The following TPO variants were observed in gnomAD, a reference collection of about 807,000 sequenced individuals.
TPO encodes the protein thyroid peroxidase, also known as thyroid microsomal antigen.
In TPO, 78 loss-of-function variants were observed where a neutral mutation model predicts 96.9. The ratio of observed to expected loss-of-function variants is 0.81; its 90% CI spans 0.67 to 0.97. The LOEUF is 0.97. Ranked by LOEUF, TPO falls within the 50% of genes least tolerant of loss-of-function variation. The pLI is 0.00. For missense variants in TPO, 1,252 were observed against 1,274.8 expected (o/e 0.98, Z 0.27); for synonymous variants, 547 against 538.0 (o/e 1.02, Z -0.23).
Position 1,453,777 on chromosome 2 carries a change from G to C in TPO, c.566G>C (p.Arg189Pro). The change falls in exon 6 of 17, where the codon CGA becomes CCA. Residue 189 changes from arginine (R) to proline (P), a missense_variant. Physicochemically the swap from Arg to Pro is moderately radical, Grantham distance 103. Transcript: ENST00000329066. The part of the protein sequence containing the change: ...PVYEDGFSQP[R>P]GWNPGFLYNG... ...TATGAGGACGGCTTCAGTCAGCCCC[G>C]AGGCTGGAACCCCGGCTTCTTGTAC... 6.2e-7 allele frequency: 1 copy of C among 1,613,878 alleles called. No individual in the cohort carries two copies. Among genetic ancestry groups the C allele is most frequent in the Non-Finnish European group, 8.5e-7 (1 of 1,180,040 alleles).
intron 4 of TPO, 21 bp from the exon 5 acceptor site, chr2:1,436,231 A>C (rs754623032): frequency 6.2e-7 from 1 of 1,614,072 alleles, no homozygotes; most frequent in African/African-American, 1.3e-5. Flanking sequence ...CACAGAATTC[A>C]TGGTTTCCTA....
At chr2:1,422,343 C>CAGA (rs1558264270) in intron 2 of TPO, among the ~76,000 whole-genome samples, 1,845 of 127,244 alleles carry the variant, frequency 0.014, 61 homozygotes, top group Middle Eastern at 0.035. Flanking sequence ...CTCTCCTGGA[C>CAGA]CGACCTCGTG....
At chr2:1,415,037 G>A (rs746205961) in intron 2 of TPO, among the ~76,000 whole-genome samples, 9 of 151,214 alleles carry the variant, frequency 6.0e-5, no homozygotes, top group South Asian at 2.1e-4. Flanking sequence ...CGCTGGCCCC[G>A]GGAGCAGGTG....
chr2:1,426,971 G>A (rs1305488293), intron 3 of TPO, among the ~76,000 whole-genome samples: 1 of 152,206 alleles, frequency 6.6e-6, no homozygotes, highest in African/African-American at 2.4e-5. Flanking sequence ...AAAGCACAGA[G>A]CCTGCCTACG....
At chr2:1,520,829 T>C (rs1004185032) in intron 15 of TPO, among the ~76,000 whole-genome samples, 1 of 152,116 alleles carries the variant, frequency 6.6e-6, no homozygotes, top group Non-Finnish European at 1.5e-5. Context: ...GCCATGGAGG[T>C]GTTTTCCTTT....
At chr2:1,428,790 G>A (rs1030555785) in intron 3 of TPO, among the ~76,000 whole-genome samples, 9 of 152,114 alleles carry the variant, frequency 5.9e-5, no homozygotes, top group Admixed American at 2.6e-4. Context: ...AGGAAAGCAC[G>A]CGTTTTGGGG....
chr2:1,398,325 CT>C (rs1183230215), intron 1 of TPO, among the ~76,000 whole-genome samples: 1 of 152,238 alleles, frequency 6.6e-6, no homozygotes, highest in East Asian at 1.9e-4. Context: ...CCACAAACTA[CT>C]GTTGCCTTTG....
intron 2 of TPO, among the ~76,000 whole-genome samples, chr2:1,416,608 A>C (rs1291292484): frequency 1.3e-5 from 2 of 152,262 alleles, no homozygotes; most frequent in Non-Finnish European, 2.9e-5. Flanking sequence ...ACAGGACAGC[A>C]GCTGACAACT....
At chr2:1,504,315 C>T (rs753410370) in intron 14 of TPO, among the ~76,000 whole-genome samples, 1 of 152,174 alleles carries the variant, frequency 6.6e-6, no homozygotes, top group Non-Finnish European at 1.5e-5. Context: ...CTGGGGACGG[C>T]AGCCAGAATG....
chr2:1,413,939 C>T (rs975642464), intron 1 of TPO, among the ~76,000 whole-genome samples: 4 of 152,162 alleles, frequency 2.6e-5, no homozygotes, highest in Admixed American at 2.0e-4. Flanking sequence ...ATTTTATGGA[C>T]ATAAGAATGC....
At position 1,414,479 on chromosome 2, in the gene TPO, C is replaced by A. The variant is rs781708047; in HGVS notation, c.71C>A (p.Ser24Ter). 2 of 1,613,954 alleles carry A rather than the reference C, an allele frequency of 1.2e-6. No homozygotes were observed. The highest frequency in any genetic ancestry group is 1.7e-6 in the Non-Finnish European group (2 of 1,179,924). ...ACAGAAGCCTTCTTCCCCTTCATCT[C>A]GAGAGGGAAAGAACTCCTTTGGGGT... ...ACTEAFFPFISRGKELLWGKP... is the reference protein window; with the variant it reads ...ACTEAFFPFI Residue 24 changes from serine (S) to a stop codon, truncating the protein, a stop_gained, in exon 2 of 17, where the codon TCG becomes TAG. Transcript: ENST00000329066. LOFTEE classifies it high-confidence loss of function.
Position 1,479,539 on chromosome 2 carries a change from G to A in TPO, c.1338+1935G>A, listed in dbSNP as rs72776238. 5.1e-3 allele frequency among the ~76,000 whole-genome samples: 772 copies of A among 152,272 alleles called. 4 individuals carry two copies. Among genetic ancestry groups the A allele is most frequent in the Middle Eastern group, 0.01 (3 of 294 alleles). ...CAGCTGCCTCTGATCCCTGGAGCCCGTTCACAGAGCGGGAAACGCCCAATT... is the reference window on the plus strand; with the variant it reads ...CAGCTGCCTCTGATCCCTGGAGCCCATTCACAGAGCGGGAAACGCCCAATT... On this transcript the variant is annotated intron_variant, in intron 8 of 16. Transcript: ENST00000329066.
At chr2:1,468,146 T>C (rs978628728) in intron 7 of TPO, among the ~76,000 whole-genome samples, 1 of 152,014 alleles carries the variant, frequency 6.6e-6, no homozygotes, top group African/African-American at 2.4e-5. Context: ...TCTGCAATTC[T>C]GTATCTTTTA....
chr2:1,523,306 TGTGAGCAACCTCCCCAAATC>T, intron 15 of TPO, among the ~76,000 whole-genome samples: 1 of 36,536 alleles, frequency 2.7e-5, no homozygotes, highest in African/African-American at 1.2e-4. Flanking sequence ...ATCCCCCCAC[TGTGAGCAACCTCCCCAAATC>T]CCCCCACTGT....
chr2:1,537,167 C>A (rs540978793), intron 15 of TPO, among the ~76,000 whole-genome samples: 65 of 107,780 alleles, frequency 6.0e-4, no homozygotes, highest in Non-Finnish European at 1.1e-3. Flanking sequence ...CAAGTGCCCC[C>A]TATTTCCCCA....
chr2:1,420,265 G>A (rs1016617597), intron 2 of TPO, among the ~76,000 whole-genome samples: 4 of 152,170 alleles, frequency 2.6e-5, no homozygotes, highest in South Asian at 2.1e-4. Flanking sequence ...AGTAACTGCC[G>A]TTTCCAAGCA....
intron 1 of TPO, among the ~76,000 whole-genome samples, chr2:1,389,008 TAAG>T (rs1221570710): frequency 2.6e-5 from 4 of 152,248 alleles, no homozygotes; most frequent in African/African-American, 9.6e-5. Flanking sequence ...AGTGAACAAT[TAAG>T]AAGTTTTTTT....
rs528547510 is a variant in TPO, at chr2:1,513,087, G to A, written c.2519-3796G>A. ...CCATCAGTGCCCTCTCTGTACAGAC[G>A]GAGCAGGCCAGCAGGACCCAGCACT... is the stretch of plus-strand genomic sequence containing the variant. On this transcript the variant is annotated intron_variant, in intron 14 of 16. Coordinates refer to ENST00000329066, the MANE Select transcript of TPO (RefSeq NM_001206744.2). Among the ~76,000 whole-genome samples the A allele has an allele frequency of 1.6e-4, 25 of 152,342 alleles. No individual in the cohort carries two copies. In the South Asian group the frequency reaches 2.7e-3, roughly 16 times the overall value.
intron 15 of TPO, among the ~76,000 whole-genome samples, chr2:1,535,782 C>G (rs1679508174): frequency 4.6e-5 from 4 of 86,260 alleles, no homozygotes; most frequent in Admixed American, 1.5e-4. Context: ...ATCCCCCCAA[C>G]TCTGTGCAAC....
Sources: allele counts gnomAD v4.1 joint callset (sites outside exome capture counted in the v4.1 genomes callset), GRCh38; gene constraint gnomAD v4.1.1; transcripts MANE v1.5; gene names NCBI Gene and HGNC (gene_info 2026-07-23, HGNC 2026-07-21).